EBF2: variants seen among roughly 807,000 people sequenced by gnomAD.
The protein encoded by EBF2 is transcription factor COE2.
A neutral mutation model predicts 72.8 loss-of-function variants in EBF2; 21 were observed. The ratio of observed to expected loss-of-function variants is 0.29; its 90% CI spans 0.20 to 0.42. The LOEUF (loss-of-function observed/expected upper bound fraction) is 0.42, where lower values mean the gene tolerates loss of function less well. Ranked by LOEUF, EBF2 falls within the 10% of genes least tolerant of loss-of-function variation. The pLI, the probability that EBF2 is intolerant of heterozygous loss-of-function variation, is 1.00. For missense variants in EBF2, 637 were observed against 731.2 expected, an observed-to-expected ratio of 0.87 and a Z score of 1.49; for synonymous variants, 299 against 274.2, an observed-to-expected ratio of 1.09 and a Z score of -0.89.
At chr8:25,890,587 T>C (rs1231473197) in intron 7 of EBF2, among the ~76,000 whole-genome samples, 4 of 152,160 alleles carry the variant, frequency 2.6e-5, no homozygotes, top group Non-Finnish European at 5.9e-5. Flanking sequence ...CTAATCTCAG[T>C]TTTTCTTATC....
chr8:25,903,784 C>T (rs1802993347), intron 7 of EBF2, among the ~76,000 whole-genome samples: 1 of 152,054 alleles, frequency 6.6e-6, no homozygotes, highest in Admixed American at 6.6e-5. Flanking sequence ...TTAATAGATA[C>T]TTAGGAGGAG....
chr8:25,904,064 G>T (rs1291370044), intron 7 of EBF2, among the ~76,000 whole-genome samples: 1 of 152,142 alleles, frequency 6.6e-6, no homozygotes, highest in Non-Finnish European at 1.5e-5. Flanking sequence ...TTACATGAAG[G>T]ATGCCTATTG....
intron 6 of EBF2, among the ~76,000 whole-genome samples, chr8:25,991,023 C>T (rs1272668627): frequency 1.3e-5 from 2 of 152,152 alleles, no homozygotes; most frequent in African/African-American, 2.4e-5. Context: ...AAGGATATCC[C>T]TCAAACTGTA....
intron 5 of EBF2, among the ~76,000 whole-genome samples, chr8:26,035,657 G>T (rs980562834): frequency 2.6e-5 from 4 of 152,130 alleles, no homozygotes; most frequent in Non-Finnish European, 4.4e-5. Flanking sequence ...GCACAATGAG[G>T]TTTTAAGAAA....
chr8:26,044,944 TC>T lies in EBF2; in HGVS notation c.-86del. 6.8e-7 allele frequency: 1 copy of T among 1,473,140 alleles called. No homozygotes were observed. The highest frequency in any genetic ancestry group is 2.3e-5 in the East Asian group (1 of 43,078). 91.3% of individuals were successfully genotyped at this position (1,473,140 alleles called of 1,614,324 possible). On this transcript the variant is annotated 5_prime_UTR_variant, in exon 1 of 16. Coordinates refer to ENST00000520164, the MANE Select transcript of EBF2 (RefSeq NM_022659.4). The surrounding 1 kb of genome is among the most constrained non-coding windows in gnomAD (Gnocchi z 4.1). ...TGTTCCCAACGTTGCCAGCAAATCG[TC>T]TCCTCCAAAGCAATCCAAGAAAAGG...
intron 6 of EBF2, among the ~76,000 whole-genome samples, chr8:25,986,963 A>C (rs1349416506): frequency 6.6e-6 from 1 of 152,160 alleles, no homozygotes; most frequent in African/African-American, 2.4e-5. Context: ...CCTCACCCCC[A>C]TCAGCTCTGT....
intron 6 of EBF2, among the ~76,000 whole-genome samples, chr8:25,939,773 A>G (rs1803639602): frequency 1.3e-5 from 2 of 152,262 alleles, no homozygotes; most frequent in Non-Finnish European, 2.9e-5. Flanking sequence ...CAAAGAGAGG[A>G]GTTTGAGATA....
At chr8:25,959,679 G>A (rs1350975455) in intron 6 of EBF2, among the ~76,000 whole-genome samples, 1 of 152,012 alleles carries the variant, frequency 6.6e-6, no homozygotes, top group East Asian at 1.9e-4. Context: ...CCATTTTGCC[G>A]CAAACATCTT....
At chr8:25,903,715 A>G (rs1802992447) in intron 7 of EBF2, among the ~76,000 whole-genome samples, 1 of 152,088 alleles carries the variant, frequency 6.6e-6, no homozygotes, top group African/African-American at 2.4e-5. Flanking sequence ...ACAAACAAAC[A>G]AACAAAAACA....
chr8:25,957,333 A>T (rs1018386299), intron 6 of EBF2, among the ~76,000 whole-genome samples: 1 of 152,236 alleles, frequency 6.6e-6, no homozygotes, highest in Non-Finnish European at 1.5e-5. Flanking sequence ...AAAGGCTCTA[A>T]AATACACTGG....
At chr8:26,042,296 C>CA (rs768618085) in intron 1 of EBF2, 45 bp from the exon 2 acceptor site, 1 of 1,576,014 alleles carries the variant, frequency 6.3e-7, no homozygotes, top group East Asian at 2.3e-5. Flanking sequence ...CGGGGAAGCA[C>CA]AAAAAGGCGA....
In EBF2 at chr8:26,044,631, GGA is replaced by G; in HGVS notation, c.131+96_131+97del. The G allele has an allele frequency of 1.3e-6, 2 of 1,510,414 alleles. No individual in the cohort carries two copies. Among genetic ancestry groups the G allele is most frequent in the Non-Finnish European group, 1.8e-6 (2 of 1,117,374 alleles). 93.6% of individuals were successfully genotyped at this position (1,510,414 alleles called of 1,614,324 possible). On this transcript the variant is annotated intron_variant, in intron 1 of 15. Transcript: ENST00000520164. The surrounding 1 kb of genome is among the most constrained non-coding windows in gnomAD (Gnocchi z 4.1). ...GCCTGGGCGACAGATGGGGGGACAG[GGA>G]GAGAGAAAGGCACGGGGTGCGCGGG...
intron 6 of EBF2, among the ~76,000 whole-genome samples, chr8:26,011,754 T>C (rs1805026077): frequency 6.6e-6 from 1 of 152,126 alleles, no homozygotes; most frequent in Non-Finnish European, 1.5e-5. Flanking sequence ...CTCCCTGCTA[T>C]GATTCTCCAA....
intron 6 of EBF2, among the ~76,000 whole-genome samples, chr8:25,970,259 T>C (rs1163461407): frequency 6.6e-6 from 1 of 152,172 alleles, no homozygotes; most frequent in African/African-American, 2.4e-5. Flanking sequence ...CATCCTAGGC[T>C]GGTACCAAAG....
At chr8:26,028,358 G>A (rs1004288204) in intron 6 of EBF2, among the ~76,000 whole-genome samples, 3 of 152,208 alleles carry the variant, frequency 2.0e-5, no homozygotes, top group African/African-American at 7.2e-5. Flanking sequence ...AGGGACAAAA[G>A]ACTGGGATAT....
chr8:25,948,400 C>A (rs570282406), intron 6 of EBF2, among the ~76,000 whole-genome samples: 43 of 152,156 alleles, frequency 2.8e-4, no homozygotes. Flanking sequence ...CCCCTCAGAT[C>A]CAAAGGAAGC....
chr8:25,896,742 T>C (rs993495072), intron 7 of EBF2, among the ~76,000 whole-genome samples: 2 of 152,156 alleles, frequency 1.3e-5, no homozygotes, highest in Non-Finnish European at 2.9e-5. Context: ...CAAGGAGAAA[T>C]ACACGTCGGG....
chr8:25,859,908 G>T (rs1201223867), intron 13 of EBF2, among the ~76,000 whole-genome samples: 2 of 151,716 alleles, frequency 1.3e-5, no homozygotes, highest in Non-Finnish European at 2.9e-5. Flanking sequence ...GTAGACACAG[G>T]GTTTCACCAT....
chr8:25,889,635 C>A (rs976171090), intron 8 of EBF2, 117 bp downstream of exon 8: 87 of 735,652 alleles, frequency 1.2e-4, no homozygotes, highest in Admixed American at 2.7e-4. Context: ...AAAAAAAAAA[C>A]CCACATTGTT....
Sources: gnomAD v4.1 joint callset for allele counts (sites outside exome capture counted in the v4.1 genomes callset) on GRCh38, gnomAD v4.1.1 for gene constraint, Gnocchi (gnomAD v3.1) non-coding constraint, MANE v1.5 for transcripts, NCBI Gene and HGNC (gene_info 2026-07-23, HGNC 2026-07-21) for gene names.